The following RAD54L variants were observed in gnomAD, a reference collection of about 807,000 sequenced individuals.
RAD54L encodes the protein RAD54 like, also known as DNA repair and recombination protein RAD54-like.
A neutral mutation model predicts 91.6 loss-of-function variants in RAD54L; 74 were observed. The ratio of observed to expected loss-of-function variants is 0.81; its 90% CI spans 0.67 to 0.98. The LOEUF (loss-of-function observed/expected upper bound fraction) is 0.98. Among genes scored for constraint, RAD54L ranks in the 50% least tolerant of loss-of-function variants. The pLI is 0.00. For missense variants in RAD54L, 887 were observed against 945.7 expected, an observed-to-expected ratio of 0.94 and a Z score of 0.81; for synonymous variants, 304 against 349.7, an observed-to-expected ratio of 0.87 and a Z score of 1.46.
chr1:46,256,265 G>C (rs188930621), intron 3 of RAD54L, among the ~76,000 whole-genome samples: 7 of 152,032 alleles, frequency 4.6e-5, no homozygotes, highest in African/African-American at 9.6e-5. Context: ...CGGGGTGTGT[G>C]GGGGGGTCTC....
Position 46,261,018 on chromosome 1 carries a change from A to G in RAD54L, c.766+3A>G. ...GGATGAAATAGACCAAAAGCTGGGTACGGAGCCCTAACAAAGATGGCTGCA... is the reference window on the plus strand; with the variant it reads ...GGATGAAATAGACCAAAAGCTGGGTGCGGAGCCCTAACAAAGATGGCTGCA... On this transcript the variant is annotated splice_donor_region_variant and intron_variant, in intron 7 of 17. Coordinates refer to ENST00000371975, the MANE Select transcript of RAD54L (RefSeq NM_003579.4). The G allele has an allele frequency of 2.5e-6, 4 of 1,612,536 alleles. No homozygotes were observed. The highest frequency in any genetic ancestry group is 2.2e-5 in the South Asian group (2 of 90,944).
At chr1:46,259,758 A>G (rs971964388) in intron 4 of RAD54L, among the ~76,000 whole-genome samples, 27 of 152,064 alleles carry the variant, frequency 1.8e-4, no homozygotes, top group African/African-American at 6.5e-4. Flanking sequence ...CCTGGGCAAC[A>G]AAGTGAGACT....
At position 46,274,704 on chromosome 1, in the gene RAD54L, A is replaced by G. The variant is rs532422610; in HGVS notation, c.1856A>G (p.Tyr619Cys). 1.2e-6 allele frequency: 2 copies of G among 1,614,026 alleles called. No individual in the cohort carries two copies. The highest frequency in any genetic ancestry group is 3.3e-5 in the Admixed American group (2 of 60,018). ...GGTCAAAAGAAGACTTGCTATATCTACCGCCTGCTGTCTGTAAGGATGGTG... is the reference window on the plus strand; with the variant it reads ...GGTCAAAAGAAGACTTGCTATATCTGCCGCCTGCTGTCTGTAAGGATGGTG... ...RDGQKKTCYI[Y>C]RLLSAGTIEE... The change falls in exon 16 of 18, where the codon TAC becomes TGC. Residue 619 changes from tyrosine (Y) to cysteine (C), a missense_variant. By Grantham distance (194) the Tyr-to-Cys change is radical (BLOSUM62 -2). Transcript: ENST00000371975.
intron 2 of RAD54L, 102 bp from the exon 3 acceptor site, chr1:46,249,898 T>C (rs1024240756): frequency 2.3e-6 from 3 of 1,309,700 alleles, no homozygotes; most frequent in African/African-American, 2.9e-5. Context: ...GTGAAGAATT[T>C]AGCACAGTGC....
At chr1:46,267,728 C>G in intron 9 of RAD54L, 119 bp downstream of exon 9, 1 of 1,334,494 alleles carries the variant, frequency 7.5e-7, no homozygotes, top group Admixed American at 1.9e-5. Flanking sequence ...ACTAGGCATT[C>G]TTGTAGGAAG....
chr1:46,250,570 A>T (rs1389796440), intron 3 of RAD54L, among the ~76,000 whole-genome samples: 1 of 152,240 alleles, frequency 6.6e-6, no homozygotes, highest in African/African-American at 2.4e-5. Context: ...TGGGTGGAGC[A>T]GATCTGTCTA....
chr1:46,271,757 T>C (rs1250293200), intron 10 of RAD54L, among the ~76,000 whole-genome samples: 3 of 152,228 alleles, frequency 2.0e-5, no homozygotes, highest in Non-Finnish European at 2.9e-5. Flanking sequence ...CCAGGAGGTC[T>C]ATGCTTAATT....
intron 3 of RAD54L, 46 bp from the exon 4 acceptor site, chr1:46,258,640 A>G (rs746551330): frequency 6.4e-6 from 9 of 1,396,590 alleles, no homozygotes; most frequent in Non-Finnish European, 9.2e-6. Flanking sequence ...ATTGTCCCAT[A>G]ACATCTCCAG....
chr1:46,252,671 CAGGCACTGTAATCAGG>C (rs1242214489), intron 3 of RAD54L, among the ~76,000 whole-genome samples: 11 of 152,066 alleles, frequency 7.2e-5, no homozygotes, highest in Non-Finnish European at 1.5e-4. Context: ...AGGGAGATGG[CAGGCACTGTAATCAGG>C]AGGCCCATGA....
chr1:46,262,782 C>G (rs1263145684), intron 8 of RAD54L, among the ~76,000 whole-genome samples: 1 of 152,034 alleles, frequency 6.6e-6, no homozygotes, highest in Non-Finnish European at 1.5e-5. Flanking sequence ...TTGACTAGTT[C>G]CCAAGCTTAG....
At chr1:46,257,156 A>C (rs554641755) in intron 3 of RAD54L, among the ~76,000 whole-genome samples, 2 of 151,902 alleles carry the variant, frequency 1.3e-5, no homozygotes, top group East Asian at 1.9e-4. Flanking sequence ...AAAAAAAAAA[A>C]AAAAAAACCC....
At chr1:46,262,000 G>A (rs1275621928) in intron 8 of RAD54L, among the ~76,000 whole-genome samples, 1 of 152,112 alleles carries the variant, frequency 6.6e-6, no homozygotes, top group Non-Finnish European at 1.5e-5. Context: ...GTTTGGTGGT[G>A]CACCTGTAGT....
intron 8 of RAD54L, among the ~76,000 whole-genome samples, chr1:46,264,688 CAG>C (rs1342692299): frequency 6.6e-6 from 1 of 152,378 alleles, no homozygotes; most frequent in South Asian, 2.1e-4. Context: ...GAGACAAACT[CAG>C]GGAAGTGCGT....
intron 3 of RAD54L, among the ~76,000 whole-genome samples, chr1:46,256,271 G>A (rs965263957): frequency 2.6e-5 from 4 of 152,096 alleles, no homozygotes; most frequent in South Asian, 2.1e-4. Context: ...GTGTGGGGGG[G>A]TCTCACTACG....
intron 9 of RAD54L, 94 bp downstream of exon 9, chr1:46,267,703 A>T (rs1346287143): frequency 1.4e-6 from 2 of 1,467,898 alleles, no homozygotes; most frequent in East Asian, 4.6e-5. Flanking sequence ...AGAGAATGCT[A>T]GTTATATGTG....
intron 10 of RAD54L, among the ~76,000 whole-genome samples, chr1:46,271,749 A>G (rs1660432547): frequency 6.6e-6 from 1 of 152,134 alleles, no homozygotes; most frequent in Admixed American, 6.5e-5. Context: ...TAGTCTTCCC[A>G]GGAGGTCTAT....
intron 16 of RAD54L, among the ~76,000 whole-genome samples, chr1:46,275,112 T>G (rs1660555713): frequency 6.6e-6 from 1 of 152,242 alleles, no homozygotes; most frequent in African/African-American, 2.4e-5. Flanking sequence ...TTGACTACAC[T>G]CTTTTCTTCC....
rs1553170121 is a variant in RAD54L, at chr1:46,277,832, G to A, written c.1885G>A (p.Glu629Lys). 1.2e-6 allele frequency: 2 copies of A among 1,610,284 alleles called. No homozygotes were observed. Among genetic ancestry groups the A allele is most frequent in the Non-Finnish European group, 1.7e-6 (2 of 1,176,840 alleles). The part of the protein sequence containing the change: ...YRLLSAGTIE[E>K]KIFQRQSHKK... The stretch of plus-strand genomic sequence containing the variant: ...TCTTCCCCAGGCAGGGACCATTGAG[G>A]AGAAGATCTTCCAGCGTCAGAGCCA... Residue 629 changes from glutamate to lysine, a missense_variant, in exon 17 of 18, where the codon GAG becomes AAG. Physicochemically the swap from Glu to Lys is moderately conservative, Grantham distance 56. Transcript: ENST00000371975.
At chr1:46,275,090 A>G (rs1660555272) in intron 16 of RAD54L, among the ~76,000 whole-genome samples, 1 of 152,166 alleles carries the variant, frequency 6.6e-6, no homozygotes, top group Non-Finnish European at 1.5e-5. Context: ...CTTGCAGCTT[A>G]TGTCGTTGGA....
Sources: allele counts gnomAD v4.1 joint callset (sites outside exome capture counted in the v4.1 genomes callset), GRCh38; gene constraint gnomAD v4.1.1; transcripts MANE v1.5; gene names NCBI Gene and HGNC (gene_info 2026-07-23, HGNC 2026-07-21).